Variants in ARL15 observed in about 807,000 individuals in gnomAD.
ARL15 encodes the protein ARF like GTPase 15, also known as ADP-ribosylation factor-like protein 15.
Under a neutral mutation model 25.2 loss-of-function variants are expected in ARL15, and 19 were observed. The observed-to-expected ratio is 0.75, with a 90% CI of 0.53 to 1.10. The LOEUF is 1.10. ARL15 is among the 50% of genes least tolerant of loss of function. The probability of loss-of-function intolerance (pLI) is 0.00; values close to 1 mark genes in which losing one functional copy is unlikely to be tolerated. For synonymous variants in ARL15, 94 were observed against 86.8 expected, an observed-to-expected ratio of 1.08 and a Z score of -0.46; for missense variants, 220 against 246.0, an observed-to-expected ratio of 0.89 and a Z score of 0.71.
intron 4 of ARL15, among the ~76,000 whole-genome samples, chr5:53,951,811 A>C (rs1746975106): frequency 7.2e-6 from 1 of 139,796 alleles, no homozygotes; most frequent in African/African-American, 2.7e-5. Flanking sequence ...ACCACATTAT[A>C]TATTTTTACT....
At chr5:54,065,196 G>A (rs1245222025) in intron 4 of ARL15, among the ~76,000 whole-genome samples, 1 of 152,172 alleles carries the variant, frequency 6.6e-6, no homozygotes, top group African/African-American at 2.4e-5. Flanking sequence ...AGAAGGTTAA[G>A]ATTAATTAAA....
intron 1 of ARL15, among the ~76,000 whole-genome samples, chr5:54,202,622 A>G (rs964773569): frequency 2.6e-5 from 4 of 152,174 alleles, no homozygotes; most frequent in South Asian, 4.1e-4. Context: ...AAAGTAATAA[A>G]ATGGTGTTGT....
chr5:53,901,626 A>C (rs1209675444), intron 4 of ARL15, among the ~76,000 whole-genome samples: 1 of 149,784 alleles, frequency 6.7e-6, no homozygotes, highest in Non-Finnish European at 1.5e-5. Flanking sequence ...TTTTTTTTTT[A>C]AACTTAATAC....
intron 3 of ARL15, among the ~76,000 whole-genome samples, chr5:54,133,978 G>A (rs776909204): frequency 1.8e-4 from 28 of 152,164 alleles, no homozygotes; most frequent in Non-Finnish European, 3.4e-4. Flanking sequence ...GCAGATAGGA[G>A]AGAGTATATC....
chr5:54,251,012 T>A (rs998974093), intron 1 of ARL15, among the ~76,000 whole-genome samples: 1 of 152,228 alleles, frequency 6.6e-6, no homozygotes, highest in African/African-American at 2.4e-5. Context: ...ATGCTTTCAA[T>A]CAGATGCTAT....
At chr5:53,952,081 G>T (rs1159185474) in intron 4 of ARL15, among the ~76,000 whole-genome samples, 1 of 151,640 alleles carries the variant, frequency 6.6e-6, no homozygotes, top group Non-Finnish European at 1.5e-5. Flanking sequence ...TGGCCAAGAT[G>T]GTGAAACCCT....
intron 4 of ARL15, among the ~76,000 whole-genome samples, chr5:54,053,111 C>T (rs1209495891): frequency 6.6e-6 from 1 of 152,108 alleles, no homozygotes; most frequent in Non-Finnish European, 1.5e-5. Context: ...ATGAACCAGG[C>T]TTGATGGCAC....
intron 1 of ARL15, among the ~76,000 whole-genome samples, chr5:54,202,798 T>C (rs1478969850): frequency 6.6e-6 from 1 of 152,208 alleles, no homozygotes; most frequent in African/African-American, 2.4e-5. Flanking sequence ...TACTTTTGTT[T>C]TCTTTGTACC....
intron 3 of ARL15, among the ~76,000 whole-genome samples, chr5:54,115,534 G>A (rs1752874825): frequency 6.6e-6 from 1 of 152,106 alleles, no homozygotes; most frequent in African/African-American, 2.4e-5. Context: ...GGTACTAAGT[G>A]TTTTAAAAAG....
At chr5:54,029,333 T>C (rs31230) in intron 4 of ARL15, among the ~76,000 whole-genome samples, 19,197 of 94,320 alleles carry the variant, frequency 0.2, 1,984 homozygotes, top group East Asian at 0.42. Context: ...CCACCACCAC[T>C]ACCACCACCA....
intron 1 of ARL15, among the ~76,000 whole-genome samples, chr5:54,305,956 T>C (rs144841029): frequency 8.7e-4 from 132 of 152,306 alleles, no homozygotes; most frequent in Non-Finnish European, 1.5e-3. Context: ...GTTTATATTT[T>C]AGTTCACAAT....
intron 4 of ARL15, among the ~76,000 whole-genome samples, chr5:54,043,237 T>A (rs1750402076): frequency 6.6e-6 from 1 of 151,964 alleles, no homozygotes; most frequent in East Asian, 1.9e-4. Context: ...ACATTAAAAA[T>A]AGTATTAAAC....
intron 1 of ARL15, among the ~76,000 whole-genome samples, chr5:54,221,897 C>A (rs1252395885): frequency 6.6e-6 from 1 of 151,858 alleles, no homozygotes; most frequent in Non-Finnish European, 1.5e-5. Context: ...TGTGTGCATG[C>A]ACAGTGTGTG....
chr5:54,230,346 G>GAAAAAAAAAAAAAAAGAAAAAAAAA (rs1756633363), intron 1 of ARL15, among the ~76,000 whole-genome samples: 2 of 91,854 alleles, frequency 2.2e-5, no homozygotes, highest in African/African-American at 4.3e-5. Flanking sequence ...TTCCATCTCA[G>GAAAAAAAAAAAAAAAGAAAAAAAAA]AAAAAAAAAA....
chr5:54,024,602 C>A (rs767673151), intron 4 of ARL15, among the ~76,000 whole-genome samples: 3 of 152,072 alleles, frequency 2.0e-5, no homozygotes, highest in Non-Finnish European at 4.4e-5. Flanking sequence ...CCTAAGCAAG[C>A]CTATGAGTTA....
At chr5:54,242,777 G>A (rs1458455586) in intron 1 of ARL15, among the ~76,000 whole-genome samples, 1 of 152,124 alleles carries the variant, frequency 6.6e-6, no homozygotes, top group Non-Finnish European at 1.5e-5. Flanking sequence ...GCCTAAAGTT[G>A]CACTTACCCC....
chr5:54,185,072 G>A (rs1755199250), intron 1 of ARL15, among the ~76,000 whole-genome samples: 2 of 152,142 alleles, frequency 1.3e-5, no homozygotes, highest in South Asian at 2.1e-4. Flanking sequence ...TAGTTGTTAT[G>A]GGGACCACAG....
At chr5:54,032,335 G>A (rs1433700584) in intron 4 of ARL15, among the ~76,000 whole-genome samples, 2 of 152,000 alleles carry the variant, frequency 1.3e-5, no homozygotes, top group Non-Finnish European at 2.9e-5. Context: ...CTGGGTTCAA[G>A]CAATTCTCCT....
intron 4 of ARL15, among the ~76,000 whole-genome samples, chr5:54,106,196 T>C (rs1489221315): frequency 1.3e-5 from 2 of 152,216 alleles, no homozygotes; most frequent in Admixed American, 1.3e-4. Context: ...TAAAACTATG[T>C]ATTAACATGG....
Sources: allele counts gnomAD v4.1 joint callset (sites outside exome capture counted in the v4.1 genomes callset), GRCh38; gene constraint gnomAD v4.1.1; transcripts MANE v1.5; gene names NCBI Gene and HGNC (gene_info 2026-07-23, HGNC 2026-07-21).